The following SIGLEC1 variants were observed in gnomAD, a reference collection of about 807,000 sequenced individuals.
SIGLEC1 encodes the protein sialoadhesin.
A neutral mutation model predicts 148.0 loss-of-function variants in SIGLEC1; 132 were observed. The observed-to-expected ratio is 0.89, with a 90% CI of 0.77 to 1.03. The LOEUF (loss-of-function observed/expected upper bound fraction) is 1.03, where lower values mean the gene tolerates loss of function less well. Among genes scored for constraint, SIGLEC1 ranks in the 50% least tolerant of loss-of-function variants. The pLI is 0.00. For missense variants in SIGLEC1, 2,253 were observed against 2,271.4 expected (o/e 0.99, Z 0.16); for synonymous variants, 945 against 969.0 (o/e 0.98, Z 0.46).
chr20:3,694,181 A>ACG, intron 13 of SIGLEC1, 40 bp downstream of exon 13: 1 of 1,359,488 alleles, frequency 7.4e-7, no homozygotes, highest in Non-Finnish European at 9.6e-7. Flanking sequence ...AAGGACACAC[A>ACG]CACACACACA....
At position 3,704,879 on chromosome 20, in the gene SIGLEC1, C is replaced by T. The variant is rs568312932; in HGVS notation, c.707-788G>A. ...CCTCAAGCAATTCTCCTGCCTTGGC[C>T]TCCCAAAGCACTGGGGTTACAGGTG... On this transcript the variant is annotated intron_variant, in intron 4 of 21. Coordinates refer to ENST00000344754, the MANE Select transcript of SIGLEC1 (RefSeq NM_023068.4). Among the ~76,000 whole-genome samples the T allele has an allele frequency of 4.6e-5, 7 of 152,334 alleles. No individual in the cohort carries two copies. The South Asian group carries it at 1.5e-3, about 32-fold the overall frequency.
At position 3,688,380 on chromosome 20, in the gene SIGLEC1, C is replaced by G. The variant is rs948434558; in HGVS notation, c.*180G>C. ...AGGGTCAACACCCTCCTGGGCAGACCTCTCACCACCCATTTTTGGGGGGGC... is the reference window on the plus strand; with the variant it reads ...AGGGTCAACACCCTCCTGGGCAGACGTCTCACCACCCATTTTTGGGGGGGC... On this transcript the variant is annotated 3_prime_UTR_variant, in exon 22 of 22. Transcript: ENST00000344754. 4.5e-6 allele frequency: 3 copies of G among 661,782 alleles called. No individual in the cohort carries two copies. Among genetic ancestry groups the G allele is most frequent in the Non-Finnish European group, 8.3e-6 (3 of 363,232 alleles). 41.0% of individuals were successfully genotyped at this position (661,782 alleles called of 1,614,324 possible). A position where few individuals can be genotyped will look rare whatever the true frequency, so the allele number is the denominator to read the frequency against.
intron 14 of SIGLEC1, 21 bp downstream of exon 14, chr20:3,693,426 C>G (rs369777187): frequency 2.7e-5 from 42 of 1,547,464 alleles, no homozygotes; most frequent in Non-Finnish European, 3.7e-5. Context: ...TGAGTCCCAC[C>G]CTGCATCCAG....
chr20:3,697,756 C>G (rs1391358305), intron 9 of SIGLEC1, 42 bp downstream of exon 9: 2 of 1,585,964 alleles, frequency 1.3e-6, no homozygotes, highest in Non-Finnish European at 1.7e-6. Flanking sequence ...GTCCAGAGCT[C>G]CAGCCCCTGC....
At position 3,696,722 on chromosome 20, in the gene SIGLEC1, C is replaced by T. The variant is rs747769398; in HGVS notation, c.2547G>A (p.Arg849=). The T allele has an allele frequency of 1.2e-6, 2 of 1,613,674 alleles. No homozygotes were observed. Among genetic ancestry groups the T allele is most frequent in the Admixed American group, 1.7e-5 (1 of 60,034 alleles). The change falls in exon 11 of 22, where the codon CGG becomes CGA. Residue 849 remains arginine (R), a synonymous_variant. Transcript: ENST00000344754. ...SLGPQVPSHG[R]FQAKAEANSL... is the part of the protein sequence containing the mutation. ...AGTTGGCCTCAGCTTTAGCCTGGAA[C>T]CGACCATGGGATGGGACCTGGGGAC...
At chr20:3,701,753 G>A in intron 6 of SIGLEC1, 112 bp from the exon 7 acceptor site, 4 of 1,046,034 alleles carry the variant, frequency 3.8e-6, no homozygotes, top group South Asian at 4.2e-5. Flanking sequence ...CCTGTGAGAA[G>A]GGGGTGATCC....
chr20:3,705,840 T>C lies in SIGLEC1; in HGVS notation c.610A>G (p.Met204Val). 1 of 1,614,112 alleles carries C rather than the reference T, an allele frequency of 6.2e-7. No homozygotes were observed. The highest frequency in any genetic ancestry group is 8.5e-7 in the Non-Finnish European group (1 of 1,180,034). ...TGVGHLETLH[M>V]AMSWQDHGRI... ...CCGTGGTCCTGCCAGGACATGGCCA[T>C]GTGGAGGGTCTCCAGGTGGCCGACG... Residue 204 changes from methionine to valine, a missense_variant, in exon 4 of 22, where the codon ATG (methionine) becomes GTG (valine). Physicochemically the swap from Met to Val is conservative, Grantham distance 21. Coordinates refer to ENST00000344754, the MANE Select transcript of SIGLEC1 (RefSeq NM_023068.4).
Position 3,706,522 on chromosome 20 carries a change from C to T in SIGLEC1, c.234G>A (p.Leu78=), listed in dbSNP as rs1267779636. 1 of 1,613,284 alleles carries T rather than the reference C, an allele frequency of 6.2e-7. No homozygotes were observed. The highest frequency in any genetic ancestry group is 1.1e-5 in the South Asian group (1 of 91,082). ...QVVSHSADPK[L]VEARFRGRTE... Reference sequence around the variant, plus strand: ...TGCGGCCGCGGAAGCGGGCCTCCACCAGCTTGGGGTCCGCCGAGTGGCTCA... The same window carrying T: ...TGCGGCCGCGGAAGCGGGCCTCCACTAGCTTGGGGTCCGCCGAGTGGCTCA... The change falls in exon 3 of 22, where the codon CTG becomes CTA. Residue 78 remains leucine, a synonymous_variant. Transcript: ENST00000344754.
At chr20:3,689,462 A>C in intron 20 of SIGLEC1, 138 bp downstream of exon 20, 1 of 671,544 alleles carries the variant, frequency 1.5e-6, no homozygotes, top group South Asian at 1.9e-5. Context: ...AGGGATTTCC[A>C]ATTTGGAGGG....
In SIGLEC1 at chr20:3,693,454, G is replaced by A. The variant is rs140431296; in HGVS notation, c.3501C>T (p.Asp1167=). 581 of 1,579,492 alleles carry A rather than the reference G, an allele frequency of 3.7e-4. 2 individuals are homozygous for A. The highest frequency in any genetic ancestry group is 8.4e-4 in the Admixed American group (49 of 58,226). The change falls in exon 14 of 22, where the codon GAC becomes GAT. Residue 1167 remains aspartate, a synonymous_variant. Transcript: ENST00000344754. ...APRLSRPITL[D]VLYAPRNLRL... Reference sequence around the variant, plus strand: ...GCATCCAGCCAGACTCACAGAGGACGTCCAAGGTGATAGGTCTGGAGAGGC... The same window carrying A: ...GCATCCAGCCAGACTCACAGAGGACATCCAAGGTGATAGGTCTGGAGAGGC...
rs779450159 is a variant in SIGLEC1, at chr20:3,689,226, T to C, written c.4999A>G (p.Arg1667Gly). The C allele has an allele frequency of 1.2e-6, 2 of 1,614,038 alleles. No homozygotes were observed. Among genetic ancestry groups the C allele is most frequent in the East Asian group, 2.2e-5 (1 of 44,872 alleles). ...LGLGACYTWRRRRVCKQSMGE... is the reference protein window; with the variant it reads ...LGLGACYTWRGRRVCKQSMGE... ...ATGCTCTGCTTACAAACACGCCTCCTTCTGCAAGGCCCGGAGTGGACTCAG... is the reference window on the plus strand; with the variant it reads ...ATGCTCTGCTTACAAACACGCCTCCCTCTGCAAGGCCCGGAGTGGACTCAG... Residue 1667 changes from arginine to glycine, a missense_variant and splice_region_variant, in exon 21 of 22, where the codon AGG becomes GGG. Physicochemically the swap from Arg to Gly is moderately radical, Grantham distance 125. Transcript: ENST00000344754.
At position 3,696,753 on chromosome 20, in the gene SIGLEC1, C is replaced by G; in HGVS notation, c.2516G>C (p.Ser839Thr). The G allele has an allele frequency of 3.1e-6, 5 of 1,613,174 alleles. No individual in the cohort carries two copies. The highest frequency in any genetic ancestry group is 4.2e-6 in the Non-Finnish European group (5 of 1,179,904). The change falls in exon 11 of 22, where the codon AGC becomes ACC. Residue 839 changes from serine (S) to threonine (T), a missense_variant. Transcript: ENST00000344754. Reference sequence around the variant, plus strand: ...ATGGGATGGGACCTGGGGACCCAGGCTGGTGGCCAGGAGGTGCTCCCCATG... The same window carrying G: ...ATGGGATGGGACCTGGGGACCCAGGGTGGTGGCCAGGAGGTGCTCCCCATG... ...LFHGEHLLAT[S>T]LGPQVPSHGR...
At position 3,696,129 on chromosome 20, in the gene SIGLEC1, T is replaced by TATATATACAC. The variant is rs11087599; in HGVS notation, c.2683+456_2683+457insGTGTATATAT. The stretch of plus-strand genomic sequence containing the variant: ...AGGATTTTTATAGAGACTATATATA[T>TATATATACAC]ACACACACACAAACACACACACACA... On this transcript the variant is annotated intron_variant, in intron 11 of 21. Coordinates refer to ENST00000344754, the MANE Select transcript of SIGLEC1 (RefSeq NM_023068.4). Among the ~76,000 whole-genome samples, 526 of 142,502 alleles carry TATATATACAC rather than the reference T, an allele frequency of 3.7e-3. 5 individuals carry two copies. Among genetic ancestry groups the TATATATACAC allele is most frequent in the African/African-American group, 0.013 (485 of 36,570 alleles). 93.5% of individuals were successfully genotyped at this position (142,502 alleles called of 152,430 possible). A position where few individuals can be genotyped will look rare whatever the true frequency, so the allele number is the denominator to read the frequency against.
Position 3,688,016 on chromosome 20 carries a change from T to G in SIGLEC1, c.*544A>C. On this transcript the variant is annotated 3_prime_UTR_variant, in exon 22 of 22. Transcript: ENST00000344754. ...GAGCCTCACAATCAAAGGCATCATT[T>G]TAGGGATAGAGAAAAGGAAGATAGA... 1 of 163,430 alleles carries G rather than the reference T, an allele frequency of 6.1e-6. No individual in the cohort carries two copies. The highest frequency in any genetic ancestry group is 5.7e-5 in the Admixed American group (1 of 17,632). 10.1% of individuals were successfully genotyped at this position (163,430 alleles called of 1,614,324 possible).
At chr20:3,709,347 T>G (rs962284048) in intron 1 of SIGLEC1, among the ~76,000 whole-genome samples, 1 of 152,062 alleles carries the variant, frequency 6.6e-6, no homozygotes, top group Non-Finnish European at 1.5e-5. Context: ...GAAATGCAAA[T>G]CAAAACCAAA....
Position 3,688,419 on chromosome 20 carries a change from C to T in SIGLEC1, c.*141G>A. On this transcript the variant is annotated 3_prime_UTR_variant, in exon 22 of 22. Transcript: ENST00000344754. ...TTTTGGGGGGGCAAGAGGCTTGGGG[C>T]CAGGTCATAAAAAGTCAGATGTCAC... The T allele has an allele frequency of 1.3e-6, 1 of 767,724 alleles. No homozygotes were observed. The highest frequency in any genetic ancestry group is 2.2e-6 in the Non-Finnish European group (1 of 445,592). 47.6% of individuals were successfully genotyped at this position (767,724 alleles called of 1,614,324 possible).
chr20:3,691,059 G>T (rs921419351), intron 18 of SIGLEC1, among the ~76,000 whole-genome samples: 1 of 152,100 alleles, frequency 6.6e-6, no homozygotes, highest in African/African-American at 2.4e-5. Flanking sequence ...TTGAACTCCT[G>T]ACCTCAAGTG....
chr20:3,704,072 C>A lies in SIGLEC1; in HGVS notation c.726G>T (p.Lys242Asn). ...TCCTCCCCGAGGGGCTGAGGAGGAT[C>A]TTCACACCCTTGGGGGCATCTGCAA... ...LQVKYAPKGV[K>N]ILLSPSGRNI... Residue 242 changes from lysine (K) to asparagine (N), a missense_variant, in exon 5 of 22, where the codon AAG (lysine) becomes AAT (asparagine). Coordinates refer to ENST00000344754, the MANE Select transcript of SIGLEC1 (RefSeq NM_023068.4). 2 of 1,613,100 alleles carry A rather than the reference C, an allele frequency of 1.2e-6. No homozygotes were observed. Among genetic ancestry groups the A allele is most frequent in the Non-Finnish European group, 1.7e-6 (2 of 1,179,756 alleles).
chr20:3,691,771 C>A, intron 17 of SIGLEC1, 132 bp downstream of exon 17: 1 of 1,340,228 alleles, frequency 7.5e-7, no homozygotes, highest in Non-Finnish European at 1.0e-6. Context: ...TGTGCCCCCT[C>A]CACCAGATTA....
Sources: gnomAD v4.1 joint callset for allele counts (sites outside exome capture counted in the v4.1 genomes callset) on GRCh38, gnomAD v4.1.1 for gene constraint, MANE v1.5 for transcripts, NCBI Gene and HGNC (gene_info 2026-07-23, HGNC 2026-07-21) for gene names.